Variants in TUBA4B observed in about 807,000 individuals in gnomAD.
The protein encoded by TUBA4B is tubulin-like protein alpha-4B.
A neutral mutation model predicts 18.4 loss-of-function variants in TUBA4B; 13 were observed. That is an observed-to-expected ratio of 0.71 (90% CI 0.46 to 1.12). TUBA4B has a LOEUF of 1.12. Among genes scored for constraint, TUBA4B ranks in the 50% most tolerant of loss-of-function variants. The pLI is 0.00. For missense variants in TUBA4B, 244 were observed against 250.0 expected (o/e 0.98, Z 0.16); for synonymous variants, 101 against 99.1 (o/e 1.02, Z -0.11).
At chr2:219,270,103 G>A in intron 2 of TUBA4B, 99 bp from the exon 3 acceptor site, 1 of 647,108 alleles carries the variant, frequency 1.5e-6, no homozygotes, top group Non-Finnish European at 2.8e-6. Context: ...CTGGGACCCG[G>A]TGACCCCACT....
In TUBA4B at chr2:219,255,758, T is replaced by C. The variant is rs530812498; in HGVS notation, c.12+2339T>C. ...GCTGGTTTGCAGATCTTAAGAAACC[T>C]GTCTTCCTGGCTCTACATCACTTGG... On this transcript the variant is annotated intron_variant, in intron 1 of 3. Coordinates refer to ENST00000490341, the MANE Select transcript of TUBA4B (RefSeq NM_001355221.1). 1.2e-4 allele frequency among the ~76,000 whole-genome samples: 18 copies of C among 152,304 alleles called. No homozygotes were observed. The East Asian group carries it at 3.1e-3, about 26-fold the overall frequency.
rs1403728067 is a variant in TUBA4B at position 219,253,321 on chromosome 2, A to G, written c.-87A>G. The G allele has an allele frequency of 2.6e-6, 4 of 1,523,528 alleles. No homozygotes were observed. Among genetic ancestry groups the G allele is most frequent in the Non-Finnish European group, 2.6e-6 (3 of 1,140,840 alleles). The allele number at this position is 1,523,528 out of a possible 1,614,324, so 94.4% of individuals were successfully genotyped here. ...AGGAGGCCGAACCCCGTTCCCACCA[A>G]CCCTCTCAGCTCAGACGCGGGGTGC... On this transcript the variant is annotated 5_prime_UTR_variant, in exon 1 of 4. Coordinates refer to ENST00000490341, the MANE Select transcript of TUBA4B (RefSeq NM_001355221.1).
chr2:219,255,157 C>T (rs1310888872), intron 1 of TUBA4B, among the ~76,000 whole-genome samples: 1 of 152,182 alleles, frequency 6.6e-6, no homozygotes, highest in African/African-American at 2.4e-5. Context: ...TCAAGGCCAT[C>T]CTTCTACCTC....
chr2:219,266,462 G>A, intron 1 of TUBA4B, 59 bp from the exon 2 acceptor site: 1 of 683,132 alleles, frequency 1.5e-6, no homozygotes, highest in East Asian at 2.7e-5. Flanking sequence ...AGTATAAGGA[G>A]GAGGCTGGCT....
At chr2:219,256,665 T>C (rs1951722280) in intron 1 of TUBA4B, among the ~76,000 whole-genome samples, 1 of 151,960 alleles carries the variant, frequency 6.6e-6, no homozygotes, top group South Asian at 2.1e-4. Flanking sequence ...TCCTTATAAG[T>C]GAAAGAAGGA....
intron 2 of TUBA4B, among the ~76,000 whole-genome samples, chr2:219,267,609 T>C (rs1951798207): frequency 6.6e-6 from 1 of 150,724 alleles, no homozygotes; most frequent in Admixed American, 6.7e-5. Flanking sequence ...CGGAGTCTCA[T>C]TCTGGAGTGC....
chr2:219,261,923 A>G (rs34967637), intron 1 of TUBA4B, among the ~76,000 whole-genome samples: 16,554 of 152,074 alleles, frequency 0.11, 1,313 homozygotes, highest in Non-Finnish European at 0.16. Context: ...GCTAGTTCCT[A>G]CCTATGATTG....
At chr2:219,268,370 C>T (rs1049293569) in intron 2 of TUBA4B, among the ~76,000 whole-genome samples, 4 of 152,296 alleles carry the variant, frequency 2.6e-5, no homozygotes, top group South Asian at 4.1e-4. Context: ...GCTGGGATTA[C>T]AGGCTTGAGC....
chr2:219,270,898 C>T (rs559156728), intron 3 of TUBA4B, among the ~76,000 whole-genome samples: 2 of 151,232 alleles, frequency 1.3e-5, no homozygotes, highest in African/African-American at 2.4e-5. Flanking sequence ...TCAGCCTAGA[C>T]AGCCAACTCC....
chr2:219,269,532 G>A (rs541086304), intron 2 of TUBA4B, among the ~76,000 whole-genome samples: 2 of 152,304 alleles, frequency 1.3e-5, no homozygotes, highest in East Asian at 3.9e-4. Flanking sequence ...TTGGCCCTCA[G>A]CCAAAGAGCC....
At chr2:219,259,897 C>T (rs1361834391) in intron 1 of TUBA4B, among the ~76,000 whole-genome samples, 6 of 152,158 alleles carry the variant, frequency 3.9e-5, no homozygotes, top group Non-Finnish European at 8.8e-5. Flanking sequence ...TCCATGAATT[C>T]ACCCCTCAAT....
Position 219,271,934 on chromosome 2 carries a change from A to C in TUBA4B, c.*235A>C. ...CCATGTGCATGCTGAGCAACATGAC[A>C]GCCATCACTATGGCCTGGGCCCGCC... On this transcript the variant is annotated 3_prime_UTR_variant, in exon 4 of 4. Transcript: ENST00000490341. 6 of 1,470,214 alleles carry C rather than the reference A, an allele frequency of 4.1e-6. No homozygotes were observed. The highest frequency in any genetic ancestry group is 5.7e-6 in the Non-Finnish European group (6 of 1,049,368). The allele number at this position is 1,470,214 out of a possible 1,614,324, so 91.1% of individuals were successfully genotyped here. A position where few individuals can be genotyped will look rare whatever the true frequency, so the allele number is the denominator to read the frequency against.
intron 2 of TUBA4B, 48 bp from the exon 3 acceptor site, chr2:219,270,154 G>C (rs1951816618): frequency 1.4e-6 from 1 of 697,460 alleles, no homozygotes; most frequent in Admixed American, 2.0e-5. Context: ...GGATTGCAAA[G>C]GGAGGTGGGG....
At chr2:219,262,121 T>C (rs907362258) in intron 1 of TUBA4B, among the ~76,000 whole-genome samples, 2 of 152,050 alleles carry the variant, frequency 1.3e-5, no homozygotes, top group Non-Finnish European at 2.9e-5. Flanking sequence ...ACCATCCTGG[T>C]TAACATGGTG....
intron 1 of TUBA4B, chr2:219,253,744 C>T: frequency 1.2e-5 from 16 of 1,338,560 alleles, no homozygotes; most frequent in Non-Finnish European, 1.5e-5. Context: ...CCTCGCACCT[C>T]CTGGAGACCC....
intron 1 of TUBA4B, among the ~76,000 whole-genome samples, chr2:219,263,784 C>G (rs1398767034): frequency 6.6e-6 from 1 of 152,218 alleles, no homozygotes; most frequent in Non-Finnish European, 1.5e-5. Context: ...AACCTTCAGT[C>G]TGTAGCCAAA....
intron 1 of TUBA4B, 74 bp downstream of exon 1, chr2:219,253,493 T>A (rs1951683234): frequency 8.0e-7 from 1 of 1,243,730 alleles, no homozygotes; most frequent in East Asian, 2.5e-5. Flanking sequence ...ACTGGGGATG[T>A]AAGAGGGCAG....
At chr2:219,258,213 A>G (rs1951734589) in intron 1 of TUBA4B, among the ~76,000 whole-genome samples, 1 of 148,020 alleles carries the variant, frequency 6.8e-6, no homozygotes, top group African/African-American at 2.5e-5. Flanking sequence ...CTGGTCTCGA[A>G]CTCCTGACCT....
rs1362164379 is a variant in TUBA4B, at chr2:219,253,379, G to C, written c.-29G>C. 3.3e-6 allele frequency: 5 copies of C among 1,535,156 alleles called. No individual in the cohort carries two copies. The highest frequency in any genetic ancestry group is 4.4e-6 in the Non-Finnish European group (5 of 1,146,546). ...CGGGGGGGGGGTGGTTCTGTGGATA[G>C]TTGGAATGCATACACAGAGGAAAGG... On this transcript the variant is annotated 5_prime_UTR_variant, in exon 1 of 4. Coordinates refer to ENST00000490341, the MANE Select transcript of TUBA4B (RefSeq NM_001355221.1).
Sources: gnomAD v4.1 joint callset for allele counts (sites outside exome capture counted in the v4.1 genomes callset) on GRCh38, gnomAD v4.1.1 for gene constraint, MANE v1.5 for transcripts, NCBI Gene and HGNC (gene_info 2026-07-23, HGNC 2026-07-21) for gene names.